The following STX18 variants were observed in gnomAD, a reference collection of about 807,000 sequenced individuals.
STX18 encodes the protein syntaxin-18.
A neutral mutation model predicts 50.1 loss-of-function variants in STX18; 40 were observed. The observed-to-expected ratio is 0.80, with a 90% confidence interval of 0.62 to 1.04. The LOEUF is 1.04. Among genes scored for constraint, STX18 ranks in the 50% least tolerant of loss-of-function variants. The pLI is 0.00. For missense variants in STX18, 410 were observed against 415.8 expected (o/e 0.99, Z 0.12); for synonymous variants, 158 against 151.8 (o/e 1.04, Z -0.30).
At chr4:4,539,475 G>A (rs1731482086) in intron 1 of STX18, among the ~76,000 whole-genome samples, 1 of 152,204 alleles carries the variant, frequency 6.6e-6, no homozygotes, top group African/African-American at 2.4e-5. Flanking sequence ...GGGAACGGTT[G>A]CAAGAACAGG....
chr4:4,469,945 A>C (rs140651114), intron 2 of STX18, among the ~76,000 whole-genome samples: 2 of 152,268 alleles, frequency 1.3e-5, no homozygotes, highest in African/African-American at 4.8e-5. Context: ...TCTGTGTAAG[A>C]ATCACAAGCT....
chr4:4,511,353 T>C (rs531115124), intron 1 of STX18, among the ~76,000 whole-genome samples: 60 of 152,244 alleles, frequency 3.9e-4, no homozygotes, highest in Non-Finnish European at 6.5e-4. Flanking sequence ...ATGACAGCTA[T>C]GTTTTGTTCT....
intron 5 of STX18, among the ~76,000 whole-genome samples, chr4:4,446,323 A>G (rs1465586371): frequency 6.6e-6 from 1 of 152,196 alleles, no homozygotes; most frequent in African/African-American, 2.4e-5. Context: ...ATAAAATTCA[A>G]CTTCCTCAAA....
chr4:4,537,416 C>G (rs1309822568), intron 1 of STX18, among the ~76,000 whole-genome samples: 1 of 152,136 alleles, frequency 6.6e-6, no homozygotes, highest in Non-Finnish European at 1.5e-5. Flanking sequence ...TACATAGCAT[C>G]CAAGCCACCT....
chr4:4,458,195 T>A (rs1449900277), intron 3 of STX18, among the ~76,000 whole-genome samples: 1 of 152,150 alleles, frequency 6.6e-6, no homozygotes, highest in African/African-American at 2.4e-5. Flanking sequence ...TTTTTACACG[T>A]GAAGAAACTA....
rs377002797 is a variant in STX18 at position 4,480,237 on chromosome 4, T to C, written c.169-8531A>G. Among the ~76,000 whole-genome samples the C allele has an allele frequency of 1.6e-4, 25 of 152,368 alleles. No individual in the cohort carries two copies. The East Asian group carries it at 2.5e-3, about 15-fold the overall frequency. ...AAAATCCTTATAATCAGATAAAACA[T>C]GTTATTAAACAATCAAAAAGGGTGA... On this transcript the variant is annotated intron_variant, in intron 1 of 10. Transcript: ENST00000306200.
At chr4:4,507,720 TG>T in intron 1 of STX18, 1 of 1,218,906 alleles carries the variant, frequency 8.2e-7, no homozygotes, top group Non-Finnish European at 1.2e-6. Flanking sequence ...AAACTTTTTC[TG>T]GTGTCTCTAA....
In STX18 at chr4:4,420,169, G is replaced by A. The variant is rs534084582; in HGVS notation, c.913-40C>T. 82 of 1,562,710 alleles carry A rather than the reference G, an allele frequency of 5.2e-5. No individual in the cohort carries two copies. The highest frequency in any genetic ancestry group is 1.7e-4 in the Middle Eastern group (1 of 6,026). On this transcript the variant is annotated intron_variant, in intron 10 of 10. Coordinates refer to ENST00000306200, the MANE Select transcript of STX18 (RefSeq NM_016930.4). This position sits in a 1 kb window ranked among gnomAD's most constrained non-coding sequence, Gnocchi z 4.3. ...GAGCACAGGTGTTTTTATCACACAG[G>A]ATTTTGGTTTGAGCAGCCCTGAAAT...
chr4:4,446,286 A>C (rs1386400995), intron 5 of STX18, among the ~76,000 whole-genome samples: 1 of 152,152 alleles, frequency 6.6e-6, no homozygotes, highest in Non-Finnish European at 1.5e-5. Context: ...TATCTTAGTG[A>C]CCTTGGGGTA....
At chr4:4,484,250 A>G (rs763521900) in intron 1 of STX18, among the ~76,000 whole-genome samples, 34 of 152,326 alleles carry the variant, frequency 2.2e-4, no homozygotes, top group Admixed American at 6.5e-4. Context: ...GGCCTCCCAA[A>G]TAAAATACAG....
At chr4:4,533,823 G>C (rs1260750824) in intron 1 of STX18, among the ~76,000 whole-genome samples, 1 of 152,184 alleles carries the variant, frequency 6.6e-6, no homozygotes, top group African/African-American at 2.4e-5. Context: ...TGAGGAAAGA[G>C]GGAACTCTTT....
chr4:4,446,078 A>G (rs1262888920), intron 5 of STX18, among the ~76,000 whole-genome samples: 4 of 152,182 alleles, frequency 2.6e-5, no homozygotes, highest in African/African-American at 9.7e-5. Flanking sequence ...CAATGAGAAA[A>G]AGAAAGTGTT....
At chr4:4,505,780 T>C (rs1223552240) in intron 1 of STX18, among the ~76,000 whole-genome samples, 1 of 152,170 alleles carries the variant, frequency 6.6e-6, no homozygotes. Context: ...AGAGACTCTG[T>C]CTCAAAAAAC....
intron 6 of STX18, among the ~76,000 whole-genome samples, chr4:4,435,461 G>A (rs374621513): frequency 2.6e-5 from 4 of 152,084 alleles, no homozygotes; most frequent in African/African-American, 9.7e-5. Context: ...TGTGTATGGC[G>A]GCTTGCTTTT....
At chr4:4,528,531 T>C (rs1029559644) in intron 1 of STX18, among the ~76,000 whole-genome samples, 2 of 152,228 alleles carry the variant, frequency 1.3e-5, no homozygotes, top group African/African-American at 2.4e-5. Context: ...GCCGATGCCA[T>C]GCTTCTCGTA....
intron 2 of STX18, among the ~76,000 whole-genome samples, chr4:4,469,951 A>G (rs1727829286): frequency 6.6e-6 from 1 of 152,130 alleles, no homozygotes; most frequent in South Asian, 2.1e-4. Context: ...TAAGAATCAC[A>G]AGCTTTCCCA....
chr4:4,479,017 T>A (rs1322847194), intron 1 of STX18: 1 of 152,490 alleles, frequency 6.6e-6, no homozygotes, highest in Non-Finnish European at 1.5e-5. Context: ...ACTCAACTTT[T>A]AACCTTTGCC....
At chr4:4,485,569 G>T (rs774876328) in intron 1 of STX18, among the ~76,000 whole-genome samples, 1 of 152,072 alleles carries the variant, frequency 6.6e-6, no homozygotes, top group Non-Finnish European at 1.5e-5. Flanking sequence ...TGCTAGACTC[G>T]CAGGCAGTAA....
At chr4:4,452,481 T>C (rs1047671348) in intron 5 of STX18, among the ~76,000 whole-genome samples, 2 of 152,192 alleles carry the variant, frequency 1.3e-5, no homozygotes, top group African/African-American at 4.8e-5. Context: ...ATAGGGTGAC[T>C]TTCTTGTTAA....
Sources: allele counts gnomAD v4.1 joint callset (sites outside exome capture counted in the v4.1 genomes callset), GRCh38; gene constraint gnomAD v4.1.1; non-coding constraint Gnocchi (gnomAD v3.1); transcripts MANE v1.5; gene names NCBI Gene and HGNC (gene_info 2026-07-23, HGNC 2026-07-21).